The following GRAMD4 variants were observed in gnomAD, a reference collection of about 807,000 sequenced individuals.
GRAMD4 encodes GRAM domain containing 4.
Under a neutral mutation model 83.9 loss-of-function variants are expected in GRAMD4, and 25 were observed. That is an observed-to-expected ratio of 0.30 (90% CI 0.22 to 0.42). The LOEUF (loss-of-function observed/expected upper bound fraction) is 0.42, where lower values mean the gene tolerates loss of function less well. Among genes scored for constraint, GRAMD4 ranks in the 10% least tolerant of loss-of-function variants. The probability of loss-of-function intolerance (pLI) is 1.00; values close to 1 mark genes in which losing one functional copy is unlikely to be tolerated. For missense variants in GRAMD4, 593 were observed against 788.7 expected (o/e 0.75, Z 2.97); for synonymous variants, 336 against 320.9 (o/e 1.05, Z -0.50).
intron 2 of GRAMD4, among the ~76,000 whole-genome samples, chr22:46,631,456 T>C (rs1297196888): frequency 7.1e-6 from 1 of 141,724 alleles, no homozygotes; most frequent in African/African-American, 2.7e-5. Flanking sequence ...GGACCGGGGA[T>C]GGGTAGAACC....
chr22:46,622,775 G>A lies in GRAMD4; in HGVS notation c.-50+2210G>A, dbSNP rs1371054522. 1.3e-5 allele frequency among the ~76,000 whole-genome samples: 2 copies of A among 152,074 alleles called. No individual in the cohort carries two copies. The highest frequency in any genetic ancestry group is 4.8e-5 in the African/African-American group (2 of 41,400). The stretch of plus-strand genomic sequence containing the variant: ...AAAAATACAAAAAATTAGCTGGTGT[G>A]GTGGCGGGTGCCTGTAGTCCCAGCT... On this transcript the variant is annotated intron_variant, in intron 1 of 18. Transcript: ENST00000406902. The surrounding 1 kb of genome is among the most constrained non-coding windows in gnomAD (Gnocchi z 4.0).
chr22:46,640,175 G>C (rs753322371), intron 3 of GRAMD4, among the ~76,000 whole-genome samples: 1 of 152,222 alleles, frequency 6.6e-6, no homozygotes, highest in Non-Finnish European at 1.5e-5. Flanking sequence ...TGAACCTCAC[G>C]AATTGCCTTT....
chr22:46,587,799 G>A (rs1209314931), intron 1 of GRAMD4: 2 of 589,058 alleles, frequency 3.4e-6, no homozygotes, highest in Non-Finnish European at 4.3e-6. Context: ...AGCCTGACCT[G>A]CCTAACAGTG....
rs1159441708 is a variant in GRAMD4, at chr22:46,659,597, C to CT, written c.404+1292dup. Among the ~76,000 whole-genome samples, 1 of 152,226 alleles carries CT rather than the reference C, an allele frequency of 6.6e-6. No homozygotes were observed. Among genetic ancestry groups the CT allele is most frequent in the Non-Finnish European group, 1.5e-5 (1 of 68,034 alleles). ...TAGCTGGCCCTGAGGAAGCGGCTCC[C>CT]TTCAGCACCCTCAGGTTTAGTGTGT... On this transcript the variant is annotated intron_variant, in intron 4 of 18. Transcript: ENST00000406902. The surrounding 1 kb of genome is among the most constrained non-coding windows in gnomAD (Gnocchi z 4.1).
At chr22:46,615,729 C>T (rs1437006855), upstream of GRAMD4, among the ~76,000 whole-genome samples, 2 of 40,672 alleles carry the variant, frequency 4.9e-5, no homozygotes, top group African/African-American at 9.9e-5. Flanking sequence ...TAGGTTCCCC[C>T]GTGTGTAGGT....
chr22:46,607,636 A>G (rs2081378657), intron 1 of GRAMD4, among the ~76,000 whole-genome samples: 2 of 152,170 alleles, frequency 1.3e-5, no homozygotes, highest in African/African-American at 2.4e-5. Context: ...TGCCCGCACC[A>G]GTCCCAGCCA....
chr22:46,585,534 C>T (rs1448811761), intron 1 of GRAMD4, among the ~76,000 whole-genome samples: 1 of 152,166 alleles, frequency 6.6e-6, no homozygotes, highest in East Asian at 1.9e-4. Flanking sequence ...GGCCCTAGAC[C>T]CAGGAAGCCT....
At chr22:46,594,109 C>T (rs1035408315) in intron 1 of GRAMD4, among the ~76,000 whole-genome samples, 1 of 151,316 alleles carries the variant, frequency 6.6e-6, no homozygotes, top group Non-Finnish European at 1.5e-5. Context: ...AGCATCCTGC[C>T]AGCCCCTCCC....
At chr22:46,664,238 A>G in intron 8 of GRAMD4, 121 bp downstream of exon 8, 2 of 733,100 alleles carry the variant, frequency 2.7e-6, no homozygotes, top group African/African-American at 1.7e-5. Context: ...CTCAGGCCCC[A>G]GGGACATGCT....
chr22:46,678,702 T>G lies in GRAMD4; in HGVS notation c.*1451T>G. On this transcript the variant is annotated 3_prime_UTR_variant, in exon 19 of 19. Transcript: ENST00000406902. ...GCTGGTTTTCTTATTTTTGTATCCT[T>G]TTTCAGATGTAATTTTTATCTTTGC... The G allele has an allele frequency of 2.0e-6, 2 of 985,698 alleles. No homozygotes were observed. The highest frequency in any genetic ancestry group is 1.7e-5 in the African/African-American group (1 of 57,362). The allele number at this position is 985,698 out of a possible 1,614,324, so 61.1% of individuals were successfully genotyped here. A position where few individuals can be genotyped will look rare whatever the true frequency, so the allele number is the denominator to read the frequency against.
intron 1 of GRAMD4, among the ~76,000 whole-genome samples, chr22:46,584,399 C>T (rs769467494): frequency 6.6e-6 from 1 of 151,956 alleles, no homozygotes; most frequent in African/African-American, 2.4e-5. Context: ...CGTGTAGCCT[C>T]CTGTACCTGT....
In GRAMD4 at chr22:46,658,191, G is replaced by A. The variant is rs746100777; in HGVS notation, c.288G>A (p.Glu96=). 2 of 1,613,730 alleles carry A rather than the reference G, an allele frequency of 1.2e-6. No homozygotes were observed. The highest frequency in any genetic ancestry group is 1.1e-5 in the South Asian group (1 of 91,068). Residue 96 remains glutamate (E), a synonymous_variant, in exon 4 of 19, where the codon GAG becomes GAA. Transcript: ENST00000406902. ...TGGCCGTTCTCTCCCCCATAGAGGAGGAGCTCCGGAAGCTGCGAGAAGAAA... is the reference window on the plus strand; with the variant it reads ...TGGCCGTTCTCTCCCCCATAGAGGAAGAGCTCCGGAAGCTGCGAGAAGAAA... ...IALLEKHFLQ[E]ELRKLREETN...
At chr22:46,601,731 G>A (rs77641924) in intron 1 of GRAMD4, among the ~76,000 whole-genome samples, 14,274 of 152,258 alleles carry the variant, frequency 0.094, 865 homozygotes, top group Middle Eastern at 0.14. Flanking sequence ...AGGAGTTTAA[G>A]GTTGCTGTGA....
In GRAMD4 at chr22:46,668,174, C is replaced by T; in HGVS notation, c.930+7C>T. 1 of 1,604,612 alleles carries T rather than the reference C, an allele frequency of 6.2e-7. No homozygotes were observed. The highest frequency in any genetic ancestry group is 8.5e-7 in the Non-Finnish European group (1 of 1,173,158). ...CGTCGCCCAGAAAGCCCAGGTACTG[C>T]CACGGGCGCCGGCCAGGGGTGTGTC... On this transcript the variant is annotated splice_region_variant and intron_variant, in intron 11 of 18. Transcript: ENST00000406902.
chr22:46,577,508 G>A (rs2081054949), intron 1 of GRAMD4, among the ~76,000 whole-genome samples: 1 of 150,952 alleles, frequency 6.6e-6, no homozygotes, highest in Non-Finnish European at 1.5e-5. Context: ...TGCTCCCCGC[G>A]GGCACCTGCG....
At chr22:46,631,336 T>A (rs935498847) in intron 2 of GRAMD4, among the ~76,000 whole-genome samples, 2 of 152,082 alleles carry the variant, frequency 1.3e-5, no homozygotes, top group Non-Finnish European at 2.9e-5. Flanking sequence ...TGGTGGGAAT[T>A]CCTCCCTGCC....
intron 1 of GRAMD4, among the ~76,000 whole-genome samples, chr22:46,595,101 A>G (rs1195036764): frequency 6.6e-6 from 1 of 152,092 alleles, no homozygotes; most frequent in Non-Finnish European, 1.5e-5. Context: ...CCAGCCCCAC[A>G]TGCGGCCCGG....
intron 5 of GRAMD4, among the ~76,000 whole-genome samples, chr22:46,662,590 A>G (rs1407064043): frequency 3.3e-5 from 5 of 152,092 alleles, no homozygotes; most frequent in Admixed American, 2.0e-4. Context: ...TGCGCCATCC[A>G]TTGGCTGATG....
rs560512794 is a variant in GRAMD4, at chr22:46,661,310, C to T, written c.405-71C>T. ...TGCAGTACACGGTCGCGAGAGCCCT[C>T]GGGGGTGCCTGACTGGGCATGGAGT... On this transcript the variant is annotated intron_variant, in intron 4 of 18. Coordinates refer to ENST00000406902, the MANE Select transcript of GRAMD4 (RefSeq NM_015124.5). The T allele has an allele frequency of 1.1e-4, 135 of 1,232,076 alleles. 1 individual carries two copies. Among genetic ancestry groups the T allele is most frequent in the South Asian group, 8.9e-4 (74 of 83,048 alleles). 76.3% of individuals were successfully genotyped at this position (1,232,076 alleles called of 1,614,324 possible).
Sources: gnomAD v4.1 joint callset for allele counts (sites outside exome capture counted in the v4.1 genomes callset) on GRCh38, gnomAD v4.1.1 for gene constraint, Gnocchi (gnomAD v3.1) non-coding constraint, MANE v1.5 for transcripts, NCBI Gene and HGNC (gene_info 2026-07-23, HGNC 2026-07-21) for gene names.